Variants in EHMT1 observed in about 807,000 individuals in gnomAD.
EHMT1 encodes euchromatic histone lysine methyltransferase 1, also known as histone-lysine N-methyltransferase EHMT1.
In EHMT1, 15 loss-of-function variants were observed where a neutral mutation model predicts 147.2. That is an observed-to-expected ratio of 0.10 (90% CI 0.07 to 0.16). The LOEUF is 0.16. EHMT1 is among the 10% of genes least tolerant of loss of function. EHMT1 has a pLI of 1.00. For synonymous variants in EHMT1, 795 were observed against 709.6 expected (o/e 1.12, Z -1.91); for missense variants, 1,587 against 1,772.4 (o/e 0.90, Z 1.88).
chr9:137,623,916 A>T (rs532054616), intron 1 of EHMT1, among the ~76,000 whole-genome samples: 2 of 152,000 alleles, frequency 1.3e-5, no homozygotes, highest in East Asian at 3.9e-4. Context: ...TCCCGGGCTG[A>T]AGTAATCTTC....
rs770404418 is a variant in EHMT1 at position 137,716,628 on chromosome 9, A to T, written c.88A>T (p.Thr30Ser). 1 of 1,552,746 alleles carries T rather than the reference A, an allele frequency of 6.4e-7. No individual in the cohort carries two copies. ...CVKTELLGEE[T>S]PMAADEGSAE... is the part of the protein sequence containing the mutation. ...GACACTCGTTTCTTTGTTGGCAGAG[A>T]CACCTATGGCTGCCGATGAAGGCTC... The change falls in exon 3 of 27, where the codon ACA (threonine) becomes TCA (serine). Residue 30 changes from threonine to serine, a missense_variant and splice_region_variant. Thr to Ser is a moderately conservative substitution (Grantham distance 58). Coordinates refer to ENST00000460843, the MANE Select transcript of EHMT1 (RefSeq NM_024757.5).
intron 4 of EHMT1, chr9:137,738,496 A>C: frequency 6.6e-6 from 1 of 152,242 alleles, no homozygotes; most frequent in South Asian, 2.1e-4. Flanking sequence ...AACTCAAAAA[A>C]CTAAGTGTGG....
At chr9:137,793,098 G>A (rs958045788) in intron 16 of EHMT1, among the ~76,000 whole-genome samples, 1 of 152,110 alleles carries the variant, frequency 6.6e-6, no homozygotes, top group Non-Finnish European at 1.5e-5. Flanking sequence ...TTAAAATGGG[G>A]AAAAATAAGT....
chr9:137,619,084 G>A lies in EHMT1; in HGVS notation c.21+35G>A, dbSNP rs1285849262. On this transcript the variant is annotated intron_variant, in intron 1 of 26. Transcript: ENST00000460843. ...GGGGCCGGCGGGGGGCGGCGCGGGG[G>A]CGGCGGGCAGCGGCGGAGGCGGCGC... 10 of 719,382 alleles carry A rather than the reference G, an allele frequency of 1.4e-5. 1 individual carries two copies. Among genetic ancestry groups the A allele is most frequent in the Middle Eastern group, 1.4e-3 (2 of 1,430 alleles). 44.6% of individuals were successfully genotyped at this position (719,382 alleles called of 1,614,324 possible). A position where few individuals can be genotyped will look rare whatever the true frequency, so the allele number is the denominator to read the frequency against.
At chr9:137,761,783 A>G (rs188250164) in intron 9 of EHMT1, among the ~76,000 whole-genome samples, 1 of 152,212 alleles carries the variant, frequency 6.6e-6, no homozygotes, top group Admixed American at 6.5e-5. Context: ...TAATTAAGAG[A>G]GGTAATAGTG....
rs113889544 is a variant in EHMT1, at chr9:137,627,669, C to A, written c.21+8620C>A. On this transcript the variant is annotated intron_variant, in intron 1 of 26. Coordinates refer to ENST00000460843, the MANE Select transcript of EHMT1 (RefSeq NM_024757.5). ...TGCTGGTTTGGTTTTCTTGAAGGAT[C>A]CCTCAATTTCTTGCCTTGCTGGTAT... is the stretch of plus-strand genomic sequence containing the variant. Among the ~76,000 whole-genome samples, 27 of 151,930 alleles carry A rather than the reference C, an allele frequency of 1.8e-4. 1 individual carries two copies. Among genetic ancestry groups the A allele is most frequent in the African/African-American group, 5.1e-4 (21 of 41,460 alleles).
chr9:137,768,772 G>C (rs954089755), intron 10 of EHMT1, among the ~76,000 whole-genome samples: 1 of 151,286 alleles, frequency 6.6e-6, no homozygotes, highest in African/African-American at 2.4e-5. Context: ...GGATGGTCTC[G>C]ATCTCCTGAC....
At chr9:137,668,202 A>G (rs941048394) in intron 1 of EHMT1, among the ~76,000 whole-genome samples, 1 of 151,952 alleles carries the variant, frequency 6.6e-6, no homozygotes, top group South Asian at 2.1e-4. Flanking sequence ...CCAGCTGTCT[A>G]CTCCAGAGAG....
At chr9:137,650,258 G>A (rs2133937893) in intron 1 of EHMT1, among the ~76,000 whole-genome samples, 1 of 152,136 alleles carries the variant, frequency 6.6e-6, no homozygotes, top group South Asian at 2.1e-4. Flanking sequence ...GGGCCACAAT[G>A]CCAGCTAATT....
chr9:137,818,511 T>C lies in EHMT1; in HGVS notation c.3540+373T>C, dbSNP rs541607216. ...CCGTGTACCAAGACTGTAGAGAGGC[T>C]GAGGGGGGGCGCCATGTACCGAGAC... On this transcript the variant is annotated intron_variant, in intron 25 of 26. Transcript: ENST00000460843. 8.9e-4 allele frequency among the ~76,000 whole-genome samples: 131 copies of C among 147,618 alleles called. 6 individuals carry two copies. The highest frequency in any genetic ancestry group is 3.1e-3 in the African/African-American group (122 of 39,074).
intron 1 of EHMT1, among the ~76,000 whole-genome samples, chr9:137,651,759 C>T (rs963185120): frequency 2.6e-5 from 4 of 152,116 alleles, no homozygotes; most frequent in African/African-American, 9.7e-5. Context: ...TGTGTCACTG[C>T]ACTCCAGCCT....
intron 1 of EHMT1, among the ~76,000 whole-genome samples, chr9:137,642,478 C>T (rs553428893): frequency 7.2e-6 from 1 of 138,622 alleles, no homozygotes; most frequent in South Asian, 2.1e-4. Context: ...TCATTGCTTT[C>T]TTCTTTTGTG....
chr9:137,767,341 CTG>C (rs1426081308), intron 10 of EHMT1, among the ~76,000 whole-genome samples: 1 of 152,202 alleles, frequency 6.6e-6, no homozygotes, highest in Non-Finnish European at 1.5e-5. Flanking sequence ...CAACGATGGA[CTG>C]TAGCTGTGAA....
intron 1 of EHMT1, among the ~76,000 whole-genome samples, chr9:137,639,088 C>T (rs1260837167): frequency 6.6e-6 from 1 of 152,042 alleles, no homozygotes; most frequent in Non-Finnish European, 1.5e-5. Flanking sequence ...TCTATTTTCC[C>T]TTGTGACTTT....
At chr9:137,714,555 ATTTTT>A (rs35445261) in intron 2 of EHMT1, among the ~76,000 whole-genome samples, 5 of 84,206 alleles carry the variant, frequency 5.9e-5, no homozygotes, top group East Asian at 3.4e-4. Context: ...CAGTTTGCTC[ATTTTT>A]TTTTTTTTTT....
chr9:137,815,716 A>C, intron 22 of EHMT1: 3 of 548,218 alleles, frequency 5.5e-6, no homozygotes, highest in Non-Finnish European at 6.7e-6. Context: ...GGCTGGGCCT[A>C]GGGGAGCGCT....
intron 25 of EHMT1, among the ~76,000 whole-genome samples, chr9:137,825,462 C>T (rs1955745656): frequency 1.3e-5 from 2 of 152,138 alleles, no homozygotes; most frequent in Admixed American, 6.5e-5. Flanking sequence ...TGACCTTCAA[C>T]TGTATGAGAA....
chr9:137,666,152 G>A (rs1939623104), intron 1 of EHMT1: 1 of 152,316 alleles, frequency 6.6e-6, no homozygotes. Context: ...TGATGGTGGG[G>A]ACACCTCCTT....
intron 25 of EHMT1, among the ~76,000 whole-genome samples, chr9:137,821,156 G>A (rs979974527): frequency 1.5e-4 from 22 of 150,548 alleles, no homozygotes; most frequent in Non-Finnish European, 1.5e-4. Context: ...GATTACAGGC[G>A]TGAGCCACTG....
Sources: gnomAD v4.1 joint callset for allele counts (sites outside exome capture counted in the v4.1 genomes callset) on GRCh38, gnomAD v4.1.1 for gene constraint, MANE v1.5 for transcripts, NCBI Gene and HGNC (gene_info 2026-07-23, HGNC 2026-07-21) for gene names.